Variants in TMEM181 observed in about 807,000 individuals in gnomAD.
TMEM181 encodes transmembrane protein 181, also known as G protein-coupled receptor 178.
TMEM181 carries 39 observed loss-of-function variants against 71.9 expected under a neutral mutation model. The ratio of observed to expected loss-of-function variants is 0.54; its 90% CI spans 0.42 to 0.71. TMEM181 has a LOEUF of 0.71. TMEM181 is among the 30% of genes least tolerant of loss of function. The pLI is 0.00. For missense variants in TMEM181, 595 were observed against 583.0 expected (o/e 1.02, Z -0.21); for synonymous variants, 245 against 228.8 (o/e 1.07, Z -0.64).
chr6:158,578,759 G>GTAAA (rs1204339840), intron 2 of TMEM181, among the ~76,000 whole-genome samples: 1 of 152,180 alleles, frequency 6.6e-6, no homozygotes, highest in African/African-American at 2.4e-5. Flanking sequence ...TACTATAAAT[G>GTAAA]TAAATAAACT....
At chr6:158,593,887 A>G (rs1270277924) in intron 6 of TMEM181, among the ~76,000 whole-genome samples, 1 of 152,066 alleles carries the variant, frequency 6.6e-6, no homozygotes, top group African/African-American at 2.4e-5. Flanking sequence ...CATTTGTTAC[A>G]GTTAATGAAC....
chr6:158,546,983 TAAA>T (rs1438224344), intron 1 of TMEM181, among the ~76,000 whole-genome samples: 1 of 142,740 alleles, frequency 7.0e-6, no homozygotes, highest in Non-Finnish European at 1.5e-5. Flanking sequence ...AACAAACAAA[TAAA>T]GAATACTGAT....
In TMEM181 at chr6:158,551,425, A is replaced by G. The variant is rs185264623; in HGVS notation, c.131+14560A>G. On this transcript the variant is annotated intron_variant, in intron 1 of 16. Transcript: ENST00000367090. ...AGTACTTGTTAGGGTCTTTTCCATG[A>G]AAAGCCATTTTGGAGTATAGCTAAT... Among the ~76,000 whole-genome samples the G allele has an allele frequency of 1.7e-4, 26 of 152,322 alleles. 1 individual carries two copies. The East Asian group carries it at 2.9e-3, about 17-fold the overall frequency.
In TMEM181 at chr6:158,634,128, T is replaced by C. The variant is rs528136836; in HGVS notation, c.*2240T>C. 3.9e-5 allele frequency: 6 copies of C among 152,014 alleles called. No individual in the cohort carries two copies. The South Asian group carries it at 1.0e-3, about 26-fold the overall frequency. The allele number at this position is 152,014 out of a possible 1,614,324, so 9.4% of individuals were successfully genotyped here. On this transcript the variant is annotated 3_prime_UTR_variant, in exon 17 of 17. Transcript: ENST00000684151. ...AATGAAAAATATAGGATTATTTATTTACTTTTTGTAACTAAGTGGGAAATA... is the reference window on the plus strand; with the variant it reads ...AATGAAAAATATAGGATTATTTATTCACTTTTTGTAACTAAGTGGGAAATA...
At chr6:158,588,598 T>C (rs1029595174) in intron 5 of TMEM181, among the ~76,000 whole-genome samples, 9 of 152,094 alleles carry the variant, frequency 5.9e-5, no homozygotes, top group African/African-American at 1.7e-4. Context: ...TACAGGCGCC[T>C]GCCACCACAC....
intron 2 of TMEM181, among the ~76,000 whole-genome samples, chr6:158,577,259 T>A (rs1783218075): frequency 6.6e-6 from 1 of 151,780 alleles, no homozygotes; most frequent in South Asian, 2.1e-4. Flanking sequence ...AAACAATGTA[T>A]GAATAAAAAG....
intron 10 of TMEM181, among the ~76,000 whole-genome samples, chr6:158,618,832 G>A (rs887422805): frequency 6.6e-6 from 1 of 152,174 alleles, no homozygotes; most frequent in Non-Finnish European, 1.5e-5. Flanking sequence ...CACTCTTCTG[G>A]CTTGTAGAGT....
chr6:158,565,104 C>T (rs937554627), intron 1 of TMEM181, among the ~76,000 whole-genome samples: 16 of 152,218 alleles, frequency 1.1e-4, no homozygotes, highest in African/African-American at 3.6e-4. Context: ...AATGCTGGTG[C>T]TGGCTTCCCT....
rs1239915026 is a variant in TMEM181 at position 158,632,182 on chromosome 6, T to C, written c.*294T>C. Reference sequence around the variant, plus strand: ...CAGTGATGAGGAAATTTCACGTTTTTAGTACAGTGAATTATGTACTTTTTT... The same window carrying C: ...CAGTGATGAGGAAATTTCACGTTTTCAGTACAGTGAATTATGTACTTTTTT... On this transcript the variant is annotated 3_prime_UTR_variant, in exon 17 of 17. Transcript: ENST00000684151. 7.3e-6 allele frequency: 3 copies of C among 408,568 alleles called. No homozygotes were observed. The highest frequency in any genetic ancestry group is 1.4e-5 in the Non-Finnish European group (3 of 221,458). 25.3% of individuals were successfully genotyped at this position (408,568 alleles called of 1,614,324 possible).
At chr6:158,626,446 A>G (rs778002269) in intron 13 of TMEM181, 8 of 456,556 alleles carry the variant, frequency 1.8e-5, no homozygotes, top group African/African-American at 4.0e-5. Flanking sequence ...TTGGATGGCA[A>G]ATAAGCGGAT....
rs746388030 is a variant in TMEM181, at chr6:158,608,471, G to A, written c.804+8G>A. 22 of 1,614,150 alleles carry A rather than the reference G, an allele frequency of 1.4e-5. No individual in the cohort carries two copies. The highest frequency in any genetic ancestry group is 2.2e-5 in the South Asian group (2 of 91,078). ...CACGGGATTCGTGTCCAGGTGAGCCGGAGCCGCCCTCACTGCCGGGGGAGG... is the reference window on the plus strand; with the variant it reads ...CACGGGATTCGTGTCCAGGTGAGCCAGAGCCGCCCTCACTGCCGGGGGAGG... On this transcript the variant is annotated splice_region_variant and intron_variant, in intron 9 of 16. Coordinates refer to ENST00000684151, the MANE Select transcript of TMEM181 (RefSeq NM_001376852.1).
chr6:158,631,328 C>T lies in TMEM181; in HGVS notation c.1288C>T (p.Gln430Ter). ...SPSKNALYES[Q>*]LKDNPAFSML... ...ATGCTCTTGTTGGTTTTCAGAGTCCCAGCTGAAAGACAATCCTGCCTTCTC... is the reference window on the plus strand; with the variant it reads ...ATGCTCTTGTTGGTTTTCAGAGTCCTAGCTGAAAGACAATCCTGCCTTCTC... The change falls in exon 16 of 17, where the codon CAG (glutamine) becomes TAG (stop). Residue 430 changes from glutamine (Q) to a stop codon, truncating the protein, a stop_gained. Coordinates refer to ENST00000684151, the MANE Select transcript of TMEM181 (RefSeq NM_001376852.1). LOFTEE classifies it high-confidence loss of function. 1.2e-6 allele frequency: 2 copies of T among 1,614,198 alleles called. No homozygotes were observed. Among genetic ancestry groups the T allele is most frequent in the Non-Finnish European group, 8.5e-7 (1 of 1,180,032 alleles).
At chr6:158,618,576 T>G (rs60690350) in intron 10 of TMEM181, among the ~76,000 whole-genome samples, 20,451 of 152,188 alleles carry the variant, frequency 0.13, 1,513 homozygotes, top group Middle Eastern at 0.2. Flanking sequence ...TGATGCTGTT[T>G]CTTCCTAGCA....
chr6:158,602,471 C>T (rs1335035981), intron 6 of TMEM181, among the ~76,000 whole-genome samples: 1 of 152,212 alleles, frequency 6.6e-6, no homozygotes, highest in Admixed American at 6.5e-5. Context: ...GGTTGTGTTA[C>T]TTTATGTTAC....
At chr6:158,616,915 A>G (rs1032108345) in intron 10 of TMEM181, among the ~76,000 whole-genome samples, 2 of 152,192 alleles carry the variant, frequency 1.3e-5, no homozygotes, top group Non-Finnish European at 2.9e-5. Context: ...TTTCACATCA[A>G]TGTTCATCAG....
chr6:158,560,209 G>C lies in TMEM181; in HGVS notation c.-16G>C. 1 of 984,900 alleles carries C rather than the reference G, an allele frequency of 1.0e-6. No individual in the cohort carries two copies. Among genetic ancestry groups the C allele is most frequent in the Non-Finnish European group, 1.2e-6 (1 of 829,776 alleles). 61.0% of individuals were successfully genotyped at this position (984,900 alleles called of 1,614,324 possible). Reference sequence around the variant, plus strand: ...TCGGGACGCGCGGGCCGGGGCCGAGGGCTCTGGGCGCCGAGATGGAGCCGT... The same window carrying C: ...TCGGGACGCGCGGGCCGGGGCCGAGCGCTCTGGGCGCCGAGATGGAGCCGT... On this transcript the variant is annotated 5_prime_UTR_variant, in exon 1 of 17. Transcript: ENST00000684151.
Position 158,631,388 on chromosome 6 carries a change from G to C in TMEM181, c.1348G>C (p.Gly450Arg). 1 of 1,614,180 alleles carries C rather than the reference G, an allele frequency of 6.2e-7. No individual in the cohort carries two copies. The highest frequency in any genetic ancestry group is 8.5e-7 in the Non-Finnish European group (1 of 1,180,030). The change falls in exon 16 of 17, where the codon GGG (glycine) becomes CGG (arginine). Residue 450 changes from glycine (G) to arginine (R), a missense_variant and splice_region_variant. Gly to Arg is a moderately radical substitution (Grantham distance 125). Transcript: ENST00000684151. ...TGACTCGGATGATGATGTGATTTAT[G>C]GGTAAGTCCCTGTCCGTTAGAAGGC... The part of the protein sequence containing the change: ...LNDSDDDVIY[G>R]SDYEEMPLQN...
At chr6:158,558,530 G>T (rs1031478012), upstream of TMEM181, among the ~76,000 whole-genome samples, 1 of 152,228 alleles carries the variant, frequency 6.6e-6, no homozygotes, top group Non-Finnish European at 1.5e-5. Flanking sequence ...GAGGCGCAGA[G>T]ACAGCTTAAC....
Position 158,588,437 on chromosome 6 carries a change from CTTTTTGTTTG to C in TMEM181, c.382-1221_382-1212del, listed in dbSNP as rs890071490. On this transcript the variant is annotated intron_variant, in intron 5 of 16. Transcript: ENST00000684151. ...GCCTCCCTGACAGTTGCCCTCTTGT[CTTTTTGTTTG>C]TTTTTGTTTGTTTGTTTTTGAGACG... is the stretch of plus-strand genomic sequence containing the variant. Among the ~76,000 whole-genome samples, 851 of 152,210 alleles carry C rather than the reference CTTTTTGTTTG, an allele frequency of 5.6e-3. 8 individuals are homozygous for C. Among genetic ancestry groups the C allele is most frequent in the African/African-American group, 0.019 (780 of 41,536 alleles).
Sources: gnomAD v4.1 joint callset for allele counts (sites outside exome capture counted in the v4.1 genomes callset) on GRCh38, gnomAD v4.1.1 for gene constraint, MANE v1.5 for transcripts, NCBI Gene and HGNC (gene_info 2026-07-23, HGNC 2026-07-21) for gene names.